DENND2C: variants seen among roughly 807,000 people sequenced by gnomAD.
DENND2C encodes the protein DENN domain containing 2C.
A neutral mutation model predicts 112.4 loss-of-function variants in DENND2C; 72 were observed. The observed-to-expected ratio is 0.64, with a 90% CI of 0.53 to 0.78. The LOEUF (loss-of-function observed/expected upper bound fraction) is 0.78, where lower values mean the gene tolerates loss of function less well. Among genes scored for constraint, DENND2C ranks in the 30% least tolerant of loss-of-function variants. The pLI, the probability that DENND2C is intolerant of heterozygous loss-of-function variation, is 0.00. For missense variants in DENND2C, 992 were observed against 1,113.8 expected (o/e 0.89, Z 1.56); for synonymous variants, 329 against 381.6 (o/e 0.86, Z 1.61).
chr1:114,625,491 G>C lies in DENND2C; in HGVS notation c.494C>G (p.Ala165Gly), dbSNP rs145072965. 12 of 1,613,976 alleles carry C rather than the reference G, an allele frequency of 7.4e-6. No homozygotes were observed. The highest frequency in any genetic ancestry group is 1.0e-5 in the Non-Finnish European group (12 of 1,180,006). ...TTCTGAAGAGTCACAATGTTCTAAAGCCAAATTTAAGAGTTTATCTGGGGG... is the reference window on the plus strand; with the variant it reads ...TTCTGAAGAGTCACAATGTTCTAAACCCAAATTTAAGAGTTTATCTGGGGG... ...ALPPDKLLNL[A>G]LEHCDSSEKE... The change falls in exon 4 of 21, where the codon GCT (alanine) becomes GGT (glycine). Residue 165 changes from alanine (A) to glycine (G), a missense_variant. This residue lies in a region of DENND2C where 470 missense variants were observed against 472.7 expected (regional missense o/e 0.99). Coordinates refer to ENST00000393274, the MANE Select transcript of DENND2C (RefSeq NM_001256404.2).
chr1:114,612,298 G>A (rs938850173), intron 8 of DENND2C, among the ~76,000 whole-genome samples: 4 of 151,800 alleles, frequency 2.6e-5, no homozygotes, highest in Admixed American at 1.3e-4. Context: ...AATGATGTTT[G>A]TAGAAACAAG....
At chr1:114,610,625 G>A (rs907073109) in intron 9 of DENND2C, among the ~76,000 whole-genome samples, 9 of 151,866 alleles carry the variant, frequency 5.9e-5, no homozygotes, top group African/African-American at 1.9e-4. Flanking sequence ...GCCTGAACCC[G>A]GGAGGCAGAG....
rs993121974 is a variant in DENND2C at position 114,583,078 on chromosome 1, A to G, written c.*2522T>C. The G allele has an allele frequency of 4.6e-5, 7 of 152,196 alleles. No homozygotes were observed. The highest frequency in any genetic ancestry group is 1.7e-4 in the African/African-American group (7 of 41,456). The allele number at this position is 152,196 out of a possible 1,614,324, so 9.4% of individuals were successfully genotyped here. A position where few individuals can be genotyped will look rare whatever the true frequency, so the allele number is the denominator to read the frequency against. On this transcript the variant is annotated 3_prime_UTR_variant, in exon 21 of 21. Coordinates refer to ENST00000393274, the MANE Select transcript of DENND2C (RefSeq NM_001256404.2). Reference sequence around the variant, plus strand: ...CATCACAGTAAACCCTTTTACCCCCATTTTATAAACATCCAATTATTAACT... The same window carrying G: ...CATCACAGTAAACCCTTTTACCCCCGTTTTATAAACATCCAATTATTAACT...
At chr1:114,597,197 A>C (rs1047796297) in intron 16 of DENND2C, among the ~76,000 whole-genome samples, 1 of 152,144 alleles carries the variant, frequency 6.6e-6, no homozygotes, top group Admixed American at 6.6e-5. Context: ...TAATCCCAGC[A>C]CTTTGGGAGG....
intron 3 of DENND2C, among the ~76,000 whole-genome samples, chr1:114,633,251 C>T (rs941917724): frequency 1.2e-4 from 18 of 151,682 alleles, no homozygotes; most frequent in Admixed American, 1.2e-3. Context: ...TCAAAATCGG[C>T]CTGGCCAACA....
chr1:114,624,920 G>C (rs1212205533), intron 4 of DENND2C, among the ~76,000 whole-genome samples: 1 of 152,006 alleles, frequency 6.6e-6, no homozygotes, highest in Non-Finnish European at 1.5e-5. Flanking sequence ...CGTGCCTGGC[G>C]CTGGCCCAGA....
At chr1:114,616,944 G>A (rs1348931099) in intron 8 of DENND2C, among the ~76,000 whole-genome samples, 1 of 152,288 alleles carries the variant, frequency 6.6e-6, no homozygotes, top group South Asian at 2.1e-4. Flanking sequence ...CAGAATCATG[G>A]TGGGAGGCAA....
rs112613410 is a variant in DENND2C at position 114,667,758 on chromosome 1, G to A, written c.-574+2225C>T. Among the ~76,000 whole-genome samples, 1,103 of 152,096 alleles carry A rather than the reference G, an allele frequency of 7.3e-3. 7 individuals are homozygous for A. Among genetic ancestry groups the A allele is most frequent in the African/African-American group, 0.024 (1,003 of 41,488 alleles). Reference sequence around the variant, plus strand: ...CACAGAATTTGAAACTCAGTATAGCGCAAAGGTTACAATCAGGTCCTTGGA... The same window carrying A: ...CACAGAATTTGAAACTCAGTATAGCACAAAGGTTACAATCAGGTCCTTGGA... On this transcript the variant is annotated intron_variant, in intron 1 of 20. Coordinates refer to ENST00000393274, the MANE Select transcript of DENND2C (RefSeq NM_001256404.2).
chr1:114,623,640 T>G lies in DENND2C; in HGVS notation c.810A>C (p.Lys270Asn). 6.3e-7 allele frequency: 1 copy of G among 1,587,480 alleles called. No individual in the cohort carries two copies. Among genetic ancestry groups the G allele is most frequent in the South Asian group, 1.2e-5 (1 of 85,558 alleles). Residue 270 changes from lysine (K) to asparagine (N), a missense_variant, in exon 5 of 21, where the codon AAA becomes AAC. By Grantham distance (94) the Lys-to-Asn change is moderately conservative. Transcript: ENST00000393274. Reference sequence around the variant, plus strand: ...GCTGAATATCCTCAAATTCAAAGGATTTCCTTAAAAAAGGAGATATATTTT... The same window carrying G: ...GCTGAATATCCTCAAATTCAAAGGAGTTCCTTAAAAAAGGAGATATATTTT... ...GGKIRGRSKR[K>N]SFEFEDIQHF...
intron 1 of DENND2C, among the ~76,000 whole-genome samples, chr1:114,669,589 C>G (rs984622580): frequency 6.6e-6 from 1 of 152,210 alleles, no homozygotes; most frequent in Non-Finnish European, 1.5e-5. Context: ...TGTCGAAGTT[C>G]AAGCTCACTG....
At chr1:114,650,710 A>G (rs1657134981) in intron 2 of DENND2C, among the ~76,000 whole-genome samples, 1 of 151,268 alleles carries the variant, frequency 6.6e-6, no homozygotes, top group East Asian at 1.9e-4. Flanking sequence ...TTCAGACTAC[A>G]GACATAACAG....
intron 8 of DENND2C, among the ~76,000 whole-genome samples, chr1:114,617,313 AT>A (rs1200369778): frequency 6.7e-6 from 1 of 149,036 alleles, no homozygotes; most frequent in Non-Finnish European, 1.5e-5. Flanking sequence ...AAAACTTATT[AT>A]TTTTTTTCTT....
chr1:114,661,446 A>G (rs1432197874), intron 1 of DENND2C, among the ~76,000 whole-genome samples: 2 of 152,238 alleles, frequency 1.3e-5, no homozygotes, highest in Non-Finnish European at 2.9e-5. Flanking sequence ...AATCTTTCTC[A>G]GGAATGATTC....
intron 7 of DENND2C, among the ~76,000 whole-genome samples, chr1:114,620,225 T>A (rs1382136038): frequency 6.6e-6 from 1 of 152,166 alleles, no homozygotes; most frequent in East Asian, 1.9e-4. Context: ...CTAAAAAGAT[T>A]CAATCCAAGG....
At chr1:114,615,338 T>C (rs1363661258) in intron 8 of DENND2C, among the ~76,000 whole-genome samples, 1 of 152,186 alleles carries the variant, frequency 6.6e-6, no homozygotes, top group Admixed American at 6.5e-5. Context: ...AAAGAGATGA[T>C]TAAACTGCTA....
At chr1:114,646,054 A>G (rs1270615488) in intron 2 of DENND2C, among the ~76,000 whole-genome samples, 2 of 151,732 alleles carry the variant, frequency 1.3e-5, no homozygotes, top group African/African-American at 4.8e-5. Context: ...AGCCTCCTGA[A>G]TAGCTGGGAC....
At chr1:114,616,042 T>C (rs1259099060) in intron 8 of DENND2C, among the ~76,000 whole-genome samples, 1 of 152,024 alleles carries the variant, frequency 6.6e-6, no homozygotes, top group Non-Finnish European at 1.5e-5. Flanking sequence ...ACTACTGGAC[T>C]CCAGCCTGGG....
At chr1:114,607,599 T>A (rs920238979) in intron 10 of DENND2C, among the ~76,000 whole-genome samples, 1 of 152,208 alleles carries the variant, frequency 6.6e-6, no homozygotes, top group Non-Finnish European at 1.5e-5. Flanking sequence ...ACAGGCTCAA[T>A]AAGCTCTGTG....
At position 114,634,104 on chromosome 1, in the gene DENND2C, A is replaced by G. The variant is rs1409188920; in HGVS notation, c.-204-7916T>C. ...AGCAATCCTAATGTTCATGCACCTA[A>G]TAAGAGTTTCAAAAATGTAAGAAGC... On this transcript the variant is annotated intron_variant, in intron 3 of 20. Coordinates refer to ENST00000393274, the MANE Select transcript of DENND2C (RefSeq NM_001256404.2). Among the ~76,000 whole-genome samples, 5 of 152,244 alleles carry G rather than the reference A, an allele frequency of 3.3e-5. No homozygotes were observed. In the South Asian group the frequency reaches 1.0e-3, roughly 31 times the overall value.
Sources: gnomAD v4.1 joint callset for allele counts (sites outside exome capture counted in the v4.1 genomes callset) on GRCh38, gnomAD v4.1.1 for gene constraint, gnomAD v4.1.1 regional missense constraint, MANE v1.5 for transcripts, NCBI Gene and HGNC (gene_info 2026-07-23, HGNC 2026-07-21) for gene names.